GALK2: variants seen among roughly 807,000 people sequenced by gnomAD.
The protein encoded by GALK2 is galactokinase 2.
In GALK2, 36 loss-of-function variants were observed where a neutral mutation model predicts 52.4. The observed-to-expected ratio is 0.69, with a 90% confidence interval of 0.53 to 0.91. The LOEUF (loss-of-function observed/expected upper bound fraction) is 0.91. Ranked by LOEUF, GALK2 falls within the 40% of genes least tolerant of loss-of-function variation. The pLI is 0.00. For missense variants in GALK2, 579 were observed against 559.1 expected, an observed-to-expected ratio of 1.04 and a Z score of -0.36; for synonymous variants, 176 against 199.1, an observed-to-expected ratio of 0.88 and a Z score of 0.98.
At chr15:49,252,521 A>G (rs574550534) in intron 5 of GALK2, among the ~76,000 whole-genome samples, 86 of 152,168 alleles carry the variant, frequency 5.7e-4, no homozygotes, top group Admixed American at 1.3e-3. Flanking sequence ...GTATAATATC[A>G]GTTTTAATAC....
chr15:49,227,333 G>T (rs2090191781), intron 3 of GALK2, among the ~76,000 whole-genome samples: 2 of 152,042 alleles, frequency 1.3e-5, no homozygotes, highest in South Asian at 2.1e-4. Flanking sequence ...TGTGTTTAGA[G>T]TTGTCATATC....
At chr15:49,347,747 G>A (rs1223384180) in intron 3 of GALK2, among the ~76,000 whole-genome samples, 2 of 152,130 alleles carry the variant, frequency 1.3e-5, no homozygotes, top group Non-Finnish European at 2.9e-5. Context: ...GGCCAGGCAT[G>A]GTGGCTCACG....
rs543407473 is a variant in GALK2 at position 49,303,785 on chromosome 15, G to T, written c.967+11248G>T. Among the ~76,000 whole-genome samples, 4 of 152,286 alleles carry T rather than the reference G, an allele frequency of 2.6e-5. No individual in the cohort carries two copies. In the South Asian group the frequency reaches 8.3e-4, roughly 32 times the overall value. ...GTTCCTGTACATCTCCTCAGCCCCA[G>T]CTGCTTCTTTGGCTCTAGCCTTGCT... is the stretch of plus-strand genomic sequence containing the variant. On this transcript the variant is annotated intron_variant, in intron 8 of 9. Coordinates refer to ENST00000560031, the MANE Select transcript of GALK2 (RefSeq NM_002044.4).
rs2089790334 is a variant in GALK2, at chr15:49,221,534, G to A, written c.266+4221G>A. Among the ~76,000 whole-genome samples, 3 of 152,152 alleles carry A rather than the reference G, an allele frequency of 2.0e-5. No homozygotes were observed. In the South Asian group the frequency reaches 6.2e-4, roughly 32 times the overall value. ...TACAAAAAATTAGCTGGGTGTGGTG[G>A]TGCGTGCCTATAATCCCAGCTACTC... On this transcript the variant is annotated intron_variant, in intron 3 of 9. Coordinates refer to ENST00000560031, the MANE Select transcript of GALK2 (RefSeq NM_002044.4).
chr15:49,332,515 G>T (rs1034532383), downstream of GALK2, among the ~76,000 whole-genome samples: 4 of 152,130 alleles, frequency 2.6e-5, no homozygotes, highest in African/African-American at 9.7e-5. Flanking sequence ...GAAGCAGCAG[G>T]AACCTTTCCA....
intron 4 of GALK2, among the ~76,000 whole-genome samples, chr15:49,237,428 T>C (rs941412851): frequency 6.6e-6 from 1 of 152,214 alleles, no homozygotes; most frequent in Admixed American, 6.5e-5. Context: ...ACATTTTCAT[T>C]TAAACATTGC....
At chr15:49,283,500 A>G in intron 6 of GALK2, 66 bp from the exon 7 acceptor site, 3 of 1,382,182 alleles carry the variant, frequency 2.2e-6, no homozygotes, top group East Asian at 4.7e-5. Context: ...AGATAAATAC[A>G]TAAACACTTG....
chr15:49,289,480 A>G (rs537706795), intron 7 of GALK2, among the ~76,000 whole-genome samples: 7 of 152,360 alleles, frequency 4.6e-5, no homozygotes, highest in Non-Finnish European at 7.3e-5. Flanking sequence ...AGGGAGTCTC[A>G]GACCAAGAAC....
chr15:49,176,890 T>A (rs1217647085), intron 1 of GALK2, among the ~76,000 whole-genome samples: 1 of 152,158 alleles, frequency 6.6e-6, no homozygotes, highest in Non-Finnish European at 1.5e-5. Flanking sequence ...TTAGAACCAT[T>A]TATAAAAAGA....
chr15:49,250,047 A>T (rs1376522674), intron 5 of GALK2, among the ~76,000 whole-genome samples: 2 of 152,212 alleles, frequency 1.3e-5, no homozygotes, highest in Admixed American at 1.3e-4. Flanking sequence ...TGGACGCGTC[A>T]GGTTATAAAT....
chr15:49,265,747 T>C (rs1351164561), intron 5 of GALK2, among the ~76,000 whole-genome samples: 1 of 152,236 alleles, frequency 6.6e-6, no homozygotes, highest in Non-Finnish European at 1.5e-5. Flanking sequence ...TTTTTTTAAC[T>C]GAATGGAACA....
At chr15:49,318,857 CTA>C in intron 8 of GALK2, 2 of 431,642 alleles carry the variant, frequency 4.6e-6, no homozygotes, top group Non-Finnish European at 9.1e-6. Flanking sequence ...TCACTTCACT[CTA>C]TTGAGCCTCC....
At chr15:49,218,986 T>C (rs560511418) in intron 3 of GALK2, among the ~76,000 whole-genome samples, 10 of 152,242 alleles carry the variant, frequency 6.6e-5, no homozygotes, top group African/African-American at 2.4e-4. Context: ...CCGTCACACC[T>C]GGCTAATTTT....
Position 49,331,583 on chromosome 15 carries a change from T to A in GALK2, c.*3424T>A. The A allele has an allele frequency of 2.0e-6, 1 of 499,864 alleles. No individual in the cohort carries two copies. Among genetic ancestry groups the A allele is most frequent in the Non-Finnish European group, 3.5e-6 (1 of 283,808 alleles). The allele number at this position is 499,864 out of a possible 1,614,324, so 31.0% of individuals were successfully genotyped here. A position where few individuals can be genotyped will look rare whatever the true frequency, so the allele number is the denominator to read the frequency against. On this transcript the variant is annotated 3_prime_UTR_variant, in exon 10 of 10. Transcript: ENST00000560031. Reference sequence around the variant, plus strand: ...CTGGTCAGAAGCTGGAAATGGGGAATGTGAACATGAGTTGTCACTAAATAT... The same window carrying A: ...CTGGTCAGAAGCTGGAAATGGGGAAAGTGAACATGAGTTGTCACTAAATAT...
intron 5 of GALK2, among the ~76,000 whole-genome samples, chr15:49,260,479 C>T (rs1300738464): frequency 1.3e-4 from 19 of 146,154 alleles, no homozygotes; most frequent in East Asian, 9.9e-4. Flanking sequence ...CTTTGTCAGA[C>T]GAGTAGGTTG....
At chr15:49,339,060 CA>C (rs2040263672) in intron 3 of GALK2, among the ~76,000 whole-genome samples, 1 of 152,170 alleles carries the variant, frequency 6.6e-6, no homozygotes. Flanking sequence ...AGCTTGCTTG[CA>C]TTGGGTCAGA....
At chr15:49,259,255 G>A (rs2091972023) in intron 5 of GALK2, among the ~76,000 whole-genome samples, 1 of 151,324 alleles carries the variant, frequency 6.6e-6, no homozygotes, top group Non-Finnish European at 1.5e-5. Context: ...AGTTACATAT[G>A]TATACATGTG....
intron 3 of GALK2, among the ~76,000 whole-genome samples, chr15:49,354,215 G>A (rs926730284): frequency 9.2e-5 from 14 of 152,108 alleles, no homozygotes; most frequent in African/African-American, 2.9e-4. Flanking sequence ...CTATTTACAT[G>A]TTTAAAAAGT....
chr15:49,227,867 C>T (rs2090223435), intron 3 of GALK2, among the ~76,000 whole-genome samples: 1 of 151,916 alleles, frequency 6.6e-6, no homozygotes. Context: ...CCTTTGCTTC[C>T]AGGTATAGTA....
Sources: gnomAD v4.1 joint callset for allele counts (sites outside exome capture counted in the v4.1 genomes callset) on GRCh38, gnomAD v4.1.1 for gene constraint, MANE v1.5 for transcripts, NCBI Gene and HGNC (gene_info 2026-07-23, HGNC 2026-07-21) for gene names.